PTK2: variants seen among roughly 807,000 people sequenced by gnomAD.
The protein encoded by PTK2 is protein tyrosine kinase 2.
A neutral mutation model predicts 150.1 loss-of-function variants in PTK2; 45 were observed. The observed-to-expected ratio is 0.30, with a 90% CI of 0.24 to 0.38. The LOEUF is 0.38. PTK2 is among the 10% of genes least tolerant of loss of function. The pLI, the probability that PTK2 is intolerant of heterozygous loss-of-function variation, is 1.00. For missense variants in PTK2, 919 were observed against 1,307.3 expected, an observed-to-expected ratio of 0.70 and a Z score of 4.58; for synonymous variants, 432 against 449.2, an observed-to-expected ratio of 0.96 and a Z score of 0.48.
chr8:140,965,012 G>A (rs1018852389), intron 1 of PTK2, among the ~76,000 whole-genome samples: 13 of 152,150 alleles, frequency 8.5e-5, no homozygotes. Flanking sequence ...TGGAAACTAA[G>A]ACCTAATAAT....
intron 12 of PTK2, among the ~76,000 whole-genome samples, chr8:140,795,449 TTC>T (rs1418007479): frequency 5.3e-5 from 8 of 152,112 alleles, no homozygotes; most frequent in African/African-American, 1.7e-4. Context: ...TCCTTGTAGG[TTC>T]TGTTTTCCAC....
At chr8:140,665,065 A>C in intron 30 of PTK2, 68 bp from the exon 35 acceptor site, 1 of 1,384,338 alleles carries the variant, frequency 7.2e-7, no homozygotes, top group Middle Eastern at 1.8e-4. Context: ...TCAGTTATAT[A>C]TTTTTTTATT....
At chr8:140,720,625 C>T (rs186629742) in intron 22 of PTK2, among the ~76,000 whole-genome samples, 168 of 152,282 alleles carry the variant, frequency 1.1e-3, no homozygotes, top group African/African-American at 4.0e-3. Context: ...ATTAGACAAC[C>T]TATGTGACGA....
chr8:140,997,632 A>T (rs1474679361), intron 1 of PTK2, among the ~76,000 whole-genome samples: 1 of 152,256 alleles, frequency 6.6e-6, no homozygotes, highest in Non-Finnish European at 1.5e-5. Context: ...GATGATCAAC[A>T]GTATTTGACT....
At chr8:140,771,556 T>G (rs1345825498) in intron 14 of PTK2, 1 of 152,150 alleles carries the variant, frequency 6.6e-6, no homozygotes, top group East Asian at 1.9e-4. Context: ...GCAGCAGTCA[T>G]TAACAAATGA....
At chr8:140,979,680 A>G (rs926623903) in intron 1 of PTK2, among the ~76,000 whole-genome samples, 5 of 152,176 alleles carry the variant, frequency 3.3e-5, no homozygotes, top group Non-Finnish European at 5.9e-5. Context: ...GTGTTGTGGC[A>G]GGGACCGGTG....
At chr8:140,763,873 G>GATAT (rs945725835) in intron 15 of PTK2, among the ~76,000 whole-genome samples, 1 of 151,864 alleles carries the variant, frequency 6.6e-6, no homozygotes, top group Non-Finnish European at 1.5e-5. Flanking sequence ...TACATATATG[G>GATAT]ATATATATAT....
chr8:140,783,462 T>G (rs1264048111), intron 14 of PTK2, among the ~76,000 whole-genome samples: 1 of 152,172 alleles, frequency 6.6e-6, no homozygotes, highest in Non-Finnish European at 1.5e-5. Flanking sequence ...CCAGGCATGA[T>G]CTCTAAGACA....
intron 14 of PTK2, among the ~76,000 whole-genome samples, chr8:140,781,659 C>T (rs976310278): frequency 2.0e-5 from 3 of 152,146 alleles, no homozygotes; most frequent in African/African-American, 7.2e-5. Context: ...CTCAGGCTAC[C>T]CCTTGCCAGG....
chr8:140,890,492 C>A, intron 3 of PTK2, 51 bp downstream of exon 3: 1 of 1,469,122 alleles, frequency 6.8e-7, no homozygotes, highest in Non-Finnish European at 9.4e-7. Context: ...CATGCCATTA[C>A]ATTTTAACCT....
chr8:140,926,247 T>C (rs1488150860), intron 1 of PTK2, among the ~76,000 whole-genome samples: 1 of 152,186 alleles, frequency 6.6e-6, no homozygotes, highest in African/African-American at 2.4e-5. Context: ...GTATGACACA[T>C]GAACAAACTG....
chr8:140,993,234 T>C (rs1003299686), intron 1 of PTK2, among the ~76,000 whole-genome samples: 2 of 152,218 alleles, frequency 1.3e-5, no homozygotes, highest in Non-Finnish European at 2.9e-5. Context: ...AAGCCCTATG[T>C]GAGTCTGAGC....
intron 14 of PTK2, 35 bp from the exon 16 acceptor site, chr8:140,769,627 T>C (rs1486039107): frequency 3.0e-6 from 4 of 1,341,704 alleles, no homozygotes; most frequent in Non-Finnish European, 3.0e-6. Flanking sequence ...GAAAGGGAAG[T>C]AGGGAACAGA....
At chr8:140,804,778 T>C (rs995982612) in intron 10 of PTK2, among the ~76,000 whole-genome samples, 1 of 152,220 alleles carries the variant, frequency 6.6e-6, no homozygotes, top group African/African-American at 2.4e-5. Context: ...AGCATCTTCC[T>C]GCGCCGTTTG....
rs562280284 is a variant in PTK2 at position 140,744,775 on chromosome 8, A to G, written c.1519-8T>C. On this transcript the variant is annotated splice_region_variant and splice_polypyrimidine_tract_variant and intron_variant, in intron 18 of 31. Transcript: ENST00000522684. ...TTGCAAAAATGACCTCAGCTTTTGG[A>G]ACAATGACCAAAAGAAAAAAAAAAA... 2 of 1,475,208 alleles carry G rather than the reference A, an allele frequency of 1.4e-6. No individual in the cohort carries two copies. Among genetic ancestry groups the G allele is most frequent in the Non-Finnish European group, 9.3e-7 (1 of 1,079,236 alleles). 91.4% of individuals were successfully genotyped at this position (1,475,208 alleles called of 1,614,324 possible). A position where few individuals can be genotyped will look rare whatever the true frequency, so the allele number is the denominator to read the frequency against.
intron 29 of PTK2, among the ~76,000 whole-genome samples, chr8:140,670,470 A>C (rs1292809592): frequency 5.0e-5 from 4 of 79,920 alleles, no homozygotes; most frequent in Non-Finnish European, 5.5e-5. Context: ...AAAAAAAAAA[A>C]AAAAAAAAAA....
At chr8:140,894,175 G>T (rs548097963) in intron 2 of PTK2, among the ~76,000 whole-genome samples, 3 of 152,276 alleles carry the variant, frequency 2.0e-5, no homozygotes, top group African/African-American at 7.2e-5. Context: ...TAGTGCCCTT[G>T]TGAAAGTCCA....
intron 7 of PTK2, among the ~76,000 whole-genome samples, chr8:140,840,203 T>C (rs2154603806): frequency 6.6e-6 from 1 of 152,278 alleles, no homozygotes; most frequent in Middle Eastern, 3.4e-3. Flanking sequence ...AGACCACAGC[T>C]GCGTGCCACC....
intron 1 of PTK2, among the ~76,000 whole-genome samples, chr8:140,997,856 T>G (rs1192981113): frequency 1.3e-5 from 2 of 152,170 alleles, no homozygotes; most frequent in African/African-American, 2.4e-5. Flanking sequence ...GGAGGATCAC[T>G]TGAGCCCAGG....
Sources: allele counts gnomAD v4.1 joint callset (sites outside exome capture counted in the v4.1 genomes callset), GRCh38; gene constraint gnomAD v4.1.1; transcripts MANE v1.5; gene names NCBI Gene and HGNC (gene_info 2026-07-23, HGNC 2026-07-21).